The following PIK3R4 variants were observed in gnomAD, a reference collection of about 807,000 sequenced individuals.
PIK3R4 encodes the protein phosphoinositide-3-kinase regulatory subunit 4, also known as phosphoinositide 3-kinase regulatory subunit 4.
In PIK3R4, 46 loss-of-function variants were observed where a neutral mutation model predicts 136.5. The ratio of observed to expected loss-of-function variants is 0.34; its 90% CI spans 0.27 to 0.43. The LOEUF (loss-of-function observed/expected upper bound fraction) is 0.43. Among genes scored for constraint, PIK3R4 ranks in the 20% least tolerant of loss-of-function variants. The pLI, the probability that PIK3R4 is intolerant of heterozygous loss-of-function variation, is 1.00. For synonymous variants in PIK3R4, 557 were observed against 566.7 expected, an observed-to-expected ratio of 0.98 and a Z score of 0.24; for missense variants, 1,331 against 1,649.5, an observed-to-expected ratio of 0.81 and a Z score of 3.35.
intron 8 of PIK3R4, 42 bp downstream of exon 8, chr3:130,718,347 C>A: frequency 6.4e-7 from 1 of 1,559,036 alleles, no homozygotes; most frequent in Non-Finnish European, 8.8e-7. Flanking sequence ...TAAAGAGGCA[C>A]AGTTTGGAGG....
intron 2 of PIK3R4, among the ~76,000 whole-genome samples, chr3:130,737,181 A>G (rs1576464123): frequency 6.6e-6 from 1 of 152,268 alleles, no homozygotes; most frequent in East Asian, 1.9e-4. Context: ...CTCAGCAGTA[A>G]TGCCTTTCTT....
At chr3:130,711,399 G>T (rs542557236) in intron 9 of PIK3R4, among the ~76,000 whole-genome samples, 2 of 152,298 alleles carry the variant, frequency 1.3e-5, no homozygotes, top group African/African-American at 4.8e-5. Context: ...CTGATTTCAA[G>T]AGACACATCA....
chr3:130,723,682 T>G (rs2066716336), intron 6 of PIK3R4, 95 bp from the exon 7 acceptor site: 1 of 989,228 alleles, frequency 1.0e-6, no homozygotes, highest in African/African-American at 1.6e-5. Flanking sequence ...GCCAAACATA[T>G]TAATCAATTA....
chr3:130,711,611 C>CAT (rs2066633074), intron 9 of PIK3R4, among the ~76,000 whole-genome samples: 1 of 152,194 alleles, frequency 6.6e-6, no homozygotes, highest in Non-Finnish European at 1.5e-5. Context: ...TCTTAATATA[C>CAT]ACAAAGCATC....
At position 130,716,458 on chromosome 3, in the gene PIK3R4, G is replaced by A. The variant is rs762824567; in HGVS notation, c.2269C>T (p.Pro757Ser). The A allele has an allele frequency of 1.2e-6, 2 of 1,614,202 alleles. No homozygotes were observed. Among genetic ancestry groups the A allele is most frequent in the Non-Finnish European group, 1.7e-6 (2 of 1,180,026 alleles). Residue 757 changes from proline (P) to serine (S), a missense_variant, in exon 9 of 20, where the codon CCC becomes TCC. Pro to Ser is a moderately conservative substitution (Grantham distance 74). Around this residue, in one of 2 missense-constraint regions of PIK3R4, gnomAD observed 1,180 missense variants for 1,407.0 expected, o/e 0.84. Transcript: ENST00000356763. The part of the protein sequence containing the change: ...MRQKKRNGSL[P>S]DCPPPEDPAI... ...GGATCCTCTGGCGGAGGGCAGTCGG[G>A]AAGAGAACCATTTCGTTTCTTCTGA... is the stretch of plus-strand genomic sequence containing the variant.
intron 6 of PIK3R4, among the ~76,000 whole-genome samples, chr3:130,727,007 T>C (rs1159798967): frequency 6.6e-6 from 1 of 152,052 alleles, no homozygotes; most frequent in Non-Finnish European, 1.5e-5. Flanking sequence ...AAACAAAAGA[T>C]GTCTGAAAAG....
At chr3:130,742,930 T>C (rs1200016283) in intron 2 of PIK3R4, among the ~76,000 whole-genome samples, 1 of 152,166 alleles carries the variant, frequency 6.6e-6, no homozygotes, top group Non-Finnish European at 1.5e-5. Context: ...AAATAATATA[T>C]AGGAATGAAT....
intron 14 of PIK3R4, among the ~76,000 whole-genome samples, chr3:130,687,555 T>C (rs550072137): frequency 2.0e-5 from 3 of 152,184 alleles, no homozygotes; most frequent in Non-Finnish European, 2.9e-5. Context: ...GGTAAGCTAA[T>C]GGTGACTTTT....
At chr3:130,681,149 TG>T (rs1458166106) in intron 17 of PIK3R4, 84 bp from the exon 18 acceptor site, 1 of 810,288 alleles carries the variant, frequency 1.2e-6, no homozygotes, top group Non-Finnish European at 2.2e-6. Flanking sequence ...GCAAGTTAAC[TG>T]TCAGTAGCTT....
intron 7 of PIK3R4, among the ~76,000 whole-genome samples, chr3:130,723,091 A>AAAAAAAAAAAAAAC (rs2066711827): frequency 7.4e-6 from 1 of 135,982 alleles, no homozygotes; most frequent in African/African-American, 2.7e-5. Flanking sequence ...AAAAAAAAAA[A>AAAAAAAAAAAAAAC]AAAAAATTAA....
chr3:130,723,280 C>T (rs2066712993), intron 7 of PIK3R4, 134 bp downstream of exon 7: 2 of 715,308 alleles, frequency 2.8e-6, no homozygotes, highest in Non-Finnish European at 4.6e-6. Context: ...TACACACATG[C>T]ACACCCACAC....
intron 3 of PIK3R4, 149 bp from the exon 4 acceptor site, chr3:130,734,279 A>G (rs2066774433): frequency 1.6e-6 from 1 of 642,386 alleles, no homozygotes; most frequent in Non-Finnish European, 2.7e-6. Context: ...CCTAGAAAGC[A>G]GTAAAAAATT....
intron 14 of PIK3R4, 118 bp from the exon 15 acceptor site, chr3:130,686,540 C>A: frequency 1.6e-6 from 1 of 635,216 alleles, no homozygotes; most frequent in Non-Finnish European, 2.8e-6. Context: ...GTGACTCTAT[C>A]AAGAAAACGA....
chr3:130,706,851 T>C (rs1246864790), intron 11 of PIK3R4, 97 bp downstream of exon 11: 5 of 843,406 alleles, frequency 5.9e-6, no homozygotes, highest in South Asian at 6.4e-5. Context: ...AGTCACCATA[T>C]TGATTTTTCC....
At chr3:130,713,536 C>T (rs2066643746) in intron 9 of PIK3R4, among the ~76,000 whole-genome samples, 1 of 152,110 alleles carries the variant, frequency 6.6e-6, no homozygotes, top group Non-Finnish European at 1.5e-5. Flanking sequence ...GGAAACTGTT[C>T]CTTCCCACTC....
At chr3:130,741,971 A>G (rs1039079653) in intron 2 of PIK3R4, among the ~76,000 whole-genome samples, 8 of 152,222 alleles carry the variant, frequency 5.3e-5, no homozygotes, top group African/African-American at 1.4e-4. Context: ...ACGTACAACA[A>G]AACCATTTAT....
rs1390859102 is a variant in PIK3R4, at chr3:130,690,639, G to A, written c.3114C>T (p.Tyr1038=). The A allele has an allele frequency of 1.2e-6, 2 of 1,604,800 alleles. No individual in the cohort carries two copies. Among genetic ancestry groups the A allele is most frequent in the South Asian group, 2.2e-5 (2 of 90,308 alleles). ...TCTTGACTCGTCCTCCAATTCGGCT[G>A]TATGTAAGAATAGATCTGAATGAAA... ...KTTTTRSILT[Y]SRIGGRVKTL... Residue 1038 remains tyrosine (Y), a synonymous_variant, in exon 14 of 20, where the codon TAC becomes TAT. Transcript: ENST00000356763.
intron 9 of PIK3R4, among the ~76,000 whole-genome samples, chr3:130,710,185 T>C (rs1234160214): frequency 3.3e-5 from 5 of 151,968 alleles, no homozygotes; most frequent in Non-Finnish European, 5.9e-5. Context: ...TATAAAAACA[T>C]TTTATATATT....
chr3:130,704,605 CAA>C (rs1044502560), intron 12 of PIK3R4, among the ~76,000 whole-genome samples: 1 of 151,976 alleles, frequency 6.6e-6, no homozygotes. Context: ...GACAGAAACT[CAA>C]AAAATATTTT....
Sources: gnomAD v4.1 joint callset for allele counts (sites outside exome capture counted in the v4.1 genomes callset) on GRCh38, gnomAD v4.1.1 for gene constraint, gnomAD v4.1.1 regional missense constraint, MANE v1.5 for transcripts, NCBI Gene and HGNC (gene_info 2026-07-23, HGNC 2026-07-21) for gene names.